OR51B5: variants seen among roughly 807,000 people sequenced by gnomAD.
OR51B5 encodes the protein olfactory receptor 51B5.
For synonymous variants in OR51B5, 186 were observed against 144.8 expected, an observed-to-expected ratio of 1.28 and a Z score of -2.04; for missense variants, 456 against 374.6, an observed-to-expected ratio of 1.22 and a Z score of -1.79.
At chr11:5,489,294 T>C in intron 1 of OR51B5, 1 of 1,612,358 alleles carries the variant, frequency 6.2e-7, no homozygotes, top group South Asian at 1.1e-5. Context: ...CCAACATCAC[T>C]GTCAATATTG....
intron 1 of OR51B5, among the ~76,000 whole-genome samples, chr11:5,379,733 C>T (rs779278718): frequency 1.3e-5 from 2 of 152,030 alleles, no homozygotes; most frequent in African/African-American, 2.4e-5. Flanking sequence ...AATAATTCCT[C>T]AAAAAACGTT....
chr11:5,354,050 T>C (rs547097304), intron 1 of OR51B5, among the ~76,000 whole-genome samples: 1 of 152,206 alleles, frequency 6.6e-6, no homozygotes, highest in African/African-American at 2.4e-5. Flanking sequence ...TATTCCCTAC[T>C]GTATTACAGA....
chr11:5,397,746 G>A (rs1163611136), intron 1 of OR51B5, among the ~76,000 whole-genome samples: 2 of 151,000 alleles, frequency 1.3e-5, no homozygotes, highest in Non-Finnish European at 3.0e-5. Flanking sequence ...AAAGACACAT[G>A]CACACGTATG....
At position 5,390,388 on chromosome 11, in the gene OR51B5, G is replaced by A. The variant is rs1239847742; in HGVS notation, n.85-43478C>T. 11 of 1,574,546 alleles carry A rather than the reference G, an allele frequency of 7.0e-6. No individual in the cohort carries two copies. In the Middle Eastern group the frequency reaches 1.0e-3, roughly 144 times the overall value. ...AAAAGGCCAGTAAATGAGTCCTGGG[G>A]CTAAAACTCCCCCTAGAGGCCTATA... On this transcript the variant is annotated intron_variant and non_coding_transcript_variant, in intron 1 of 4. Coordinates refer to the OR51B5 transcript ENST00000415970.
At chr11:5,413,075 C>T (rs1850176437) in intron 1 of OR51B5, among the ~76,000 whole-genome samples, 1 of 152,202 alleles carries the variant, frequency 6.6e-6, no homozygotes, top group Non-Finnish European at 1.5e-5. Context: ...CCTGATACTC[C>T]TCTGAGACAA....
At chr11:5,343,121 G>T (rs1316235155) in exon 1 of OR51B5, 1 of 1,613,476 alleles carries the variant, frequency 6.2e-7, no homozygotes, top group Non-Finnish European at 8.5e-7. Flanking sequence ...TCGAGTATTA[G>T]TAAGTACAGA....
chr11:5,351,188 C>A (rs1456306537), intron 1 of OR51B5, among the ~76,000 whole-genome samples: 1 of 152,118 alleles, frequency 6.6e-6, no homozygotes, highest in Non-Finnish European at 1.5e-5. Flanking sequence ...GTGATTTCTT[C>A]TTTCATTTTG....
At position 5,383,313 on chromosome 11, in the gene OR51B5, G is replaced by A. The variant is rs58804463; in HGVS notation, n.85-36403C>T. Among the ~76,000 whole-genome samples the A allele has an allele frequency of 1.2e-3, 177 of 152,274 alleles. 1 individual carries two copies. The highest frequency in any genetic ancestry group is 4.2e-3 in the African/African-American group (173 of 41,540). ...AGGTCCAAAGATATAGAGGCTGGCA[G>A]AGATGGAGGGCAATTTAATTATCTG... On this transcript the variant is annotated intron_variant and non_coding_transcript_variant, in intron 1 of 4. Transcript: ENST00000415970.
intron 1 of OR51B5, chr11:5,455,568 A>AGAGAGGGAGAGAAAGAGAAAGAGAGAG (rs61289313): frequency 7.4e-6 from 1 of 135,318 alleles, no homozygotes. Context: ...AAGGGGGGAG[A>AGAGAGGGAGAGAAAGAGAAAGAGAGAG]GAGAGAGAGA....
chr11:5,373,459 G>A (rs1432803081), intron 1 of OR51B5, among the ~76,000 whole-genome samples: 1 of 152,086 alleles, frequency 6.6e-6, no homozygotes, highest in African/African-American at 2.4e-5. Flanking sequence ...TCTCGCTAGG[G>A]AGTGCCAGAC....
intron 1 of OR51B5, among the ~76,000 whole-genome samples, chr11:5,385,868 TTA>T (rs1194709968): frequency 9.3e-6 from 1 of 107,642 alleles, no homozygotes; most frequent in Non-Finnish European, 2.0e-5. Flanking sequence ...TATAAAGTAT[TTA>T]TGAGTAAATC....
intron 1 of OR51B5, among the ~76,000 whole-genome samples, chr11:5,437,611 T>C (rs2133773057): frequency 6.6e-6 from 1 of 152,354 alleles, no homozygotes; most frequent in Admixed American, 6.5e-5. Context: ...AACATTCCTT[T>C]AGTTTTGAAC....
intron 1 of OR51B5, chr11:5,352,065 C>T (rs771669343): frequency 6.2e-7 from 1 of 1,614,054 alleles, no homozygotes; most frequent in Admixed American, 1.7e-5. Flanking sequence ...TCAAGCTAGC[C>T]TGTGCTGACA....
At chr11:5,392,946 G>T (rs1478713989) in intron 1 of OR51B5, 5 of 152,154 alleles carry the variant, frequency 3.3e-5, no homozygotes, top group Non-Finnish European at 7.4e-5. Flanking sequence ...ATAAATATCT[G>T]TGCTGTTAAG....
intron 1 of OR51B5, among the ~76,000 whole-genome samples, chr11:5,425,356 C>T (rs1328661181): frequency 1.3e-5 from 2 of 152,088 alleles, no homozygotes. Context: ...TCTTGATGAG[C>T]GATATCTATC....
At chr11:5,364,098 T>C (rs565613008) in intron 1 of OR51B5, among the ~76,000 whole-genome samples, 2 of 152,208 alleles carry the variant, frequency 1.3e-5, no homozygotes, top group East Asian at 1.9e-4. Context: ...AGGTCGATTA[T>C]AGATTCAATA....
At chr11:5,503,382 C>T (rs888031423) in intron 1 of OR51B5, among the ~76,000 whole-genome samples, 1 of 152,086 alleles carries the variant, frequency 6.6e-6, no homozygotes, top group Non-Finnish European at 1.5e-5. Context: ...TGTAAATAAA[C>T]CCAAATGCGT....
intron 1 of OR51B5, among the ~76,000 whole-genome samples, chr11:5,420,111 T>A (rs1461379598): frequency 6.6e-6 from 1 of 151,986 alleles, no homozygotes; most frequent in Non-Finnish European, 1.5e-5. Context: ...TCTTTTGTTA[T>A]TACATAAAAG....
chr11:5,485,086 A>G (rs989167399), intron 1 of OR51B5, among the ~76,000 whole-genome samples: 4 of 152,204 alleles, frequency 2.6e-5, no homozygotes, highest in South Asian at 2.1e-4. Context: ...TTTCAAAAGA[A>G]TAAGTCAGAA....
Sources: gnomAD v4.1 joint callset for allele counts (sites outside exome capture counted in the v4.1 genomes callset) on GRCh38, gnomAD v4.1.1 for gene constraint, MANE v1.5 for transcripts, NCBI Gene and HGNC (gene_info 2026-07-23, HGNC 2026-07-21) for gene names.